Variants in CABLES1 observed in about 807,000 individuals in gnomAD.
The protein encoded by CABLES1 is CDK5 and ABL1 enzyme substrate 1.
In CABLES1, 36 loss-of-function variants were observed where a neutral mutation model predicts 57.8. The observed-to-expected ratio is 0.62, with a 90% CI of 0.48 to 0.82. CABLES1 has a LOEUF of 0.82. Among genes scored for constraint, CABLES1 ranks in the 40% least tolerant of loss-of-function variants. The probability of loss-of-function intolerance (pLI) is 0.00; values close to 1 mark genes in which losing one functional copy is unlikely to be tolerated. For synonymous variants in CABLES1, 374 were observed against 363.0 expected (o/e 1.03, Z -0.35); for missense variants, 767 against 836.6 (o/e 0.92, Z 1.03).
At chr18:23,175,476 T>C (rs1174326015) in intron 1 of CABLES1, among the ~76,000 whole-genome samples, 1 of 152,150 alleles carries the variant, frequency 6.6e-6, no homozygotes, top group African/African-American at 2.4e-5. Flanking sequence ...TGGAGCTTTT[T>C]CTTTTCTTTC....
At chr18:23,244,193 C>T (rs1398861740) in intron 7 of CABLES1, among the ~76,000 whole-genome samples, 1 of 152,066 alleles carries the variant, frequency 6.6e-6, no homozygotes, top group Non-Finnish European at 1.5e-5. Context: ...CTGGTGTCAT[C>T]TCAAGTGGAT....
intron 3 of CABLES1, among the ~76,000 whole-genome samples, chr18:23,200,971 A>G (rs1045612652): frequency 6.6e-6 from 1 of 152,194 alleles, no homozygotes; most frequent in African/African-American, 2.4e-5. Context: ...CCTGCAGCAT[A>G]GATGAGTGAT....
rs748230822 is a variant in CABLES1 at position 23,253,067 on chromosome 18, G to A, written c.1553+1G>A. ...AGCTGACACTCAGCAAAATTAGGAGGTACGGGAGGCTGGACTTGCCTGTGA... is the reference window on the plus strand; with the variant it reads ...AGCTGACACTCAGCAAAATTAGGAGATACGGGAGGCTGGACTTGCCTGTGA... On this transcript the variant is annotated splice_donor_variant, in intron 8 of 9. Transcript: ENST00000256925. LOFTEE classifies it high-confidence loss of function. 1.3e-6 allele frequency: 2 copies of A among 1,590,118 alleles called. No homozygotes were observed. Among genetic ancestry groups the A allele is most frequent in the South Asian group, 2.2e-5 (2 of 90,588 alleles).
At chr18:23,163,297 A>T (rs1461648575) in intron 1 of CABLES1, among the ~76,000 whole-genome samples, 1 of 152,098 alleles carries the variant, frequency 6.6e-6, no homozygotes, top group African/African-American at 2.4e-5. Context: ...GCTATGTGGG[A>T]TCCTGGAGCT....
chr18:23,160,402 T>C (rs2046995375), intron 1 of CABLES1, among the ~76,000 whole-genome samples: 1 of 152,186 alleles, frequency 6.6e-6, no homozygotes, highest in Non-Finnish European at 1.5e-5. Flanking sequence ...GGAAAACACA[T>C]AGGCAGTTTG....
chr18:23,254,829 C>T (rs1462452214), intron 9 of CABLES1, among the ~76,000 whole-genome samples: 3 of 152,198 alleles, frequency 2.0e-5, no homozygotes, highest in African/African-American at 7.2e-5. Context: ...GCCCCATCTC[C>T]TAATACCATC....
intron 7 of CABLES1, among the ~76,000 whole-genome samples, chr18:23,251,208 T>C (rs558466161): frequency 5.9e-5 from 9 of 152,172 alleles, no homozygotes; most frequent in Non-Finnish European, 1.0e-4. Flanking sequence ...ATGCCAGCAC[T>C]TTGGGAGGCA....
intron 1 of CABLES1, among the ~76,000 whole-genome samples, chr18:23,172,469 AAGAAGGACACCATTAAACACCCTT>A (rs1324228639): frequency 1.3e-5 from 2 of 152,204 alleles, no homozygotes; most frequent in Admixed American, 1.3e-4. Flanking sequence ...TCTTGCTCTA[AAGAAGGACACCATTAAACACCCTT>A]AGGAAAATCA....
At chr18:23,237,389 A>G (rs901404550) in intron 7 of CABLES1, 144 bp downstream of exon 7, 5 of 666,884 alleles carry the variant, frequency 7.5e-6, no homozygotes, top group Non-Finnish European at 1.1e-5. Context: ...CCACGGAAGG[A>G]CCAGTATTGC....
chr18:23,150,207 G>GTTTTTTTTTTTTTTTTTTTTT (rs10638130), intron 1 of CABLES1, among the ~76,000 whole-genome samples: 1 of 106,674 alleles, frequency 9.4e-6, no homozygotes, highest in African/African-American at 4.1e-5. Context: ...GTTGGTGTTT[G>GTTTTTTTTTTTTTTTTTTTTT]TTTTTTTTTT....
At chr18:23,156,074 G>A (rs1228952348) in intron 1 of CABLES1, 14 of 1,186,562 alleles carry the variant, frequency 1.2e-5, no homozygotes, top group Non-Finnish European at 1.5e-5. Flanking sequence ...TGGAAAAGCG[G>A]GATGTCAGTC....
chr18:23,248,104 C>A (rs1454492386), intron 7 of CABLES1, among the ~76,000 whole-genome samples: 2 of 152,256 alleles, frequency 1.3e-5, no homozygotes, highest in African/African-American at 4.8e-5. Flanking sequence ...CGCGCTCTGC[C>A]ACCCTTGCCC....
upstream of CABLES1, among the ~76,000 whole-genome samples, chr18:23,134,976 GTTA>G (rs1168662245): frequency 6.6e-6 from 1 of 152,130 alleles, no homozygotes; most frequent in East Asian, 1.9e-4. Flanking sequence ...ACTTACCCGT[GTTA>G]TTATGAAAAG....
At chr18:23,181,689 C>T (rs1189459039) in intron 1 of CABLES1, among the ~76,000 whole-genome samples, 1 of 152,074 alleles carries the variant, frequency 6.6e-6, no homozygotes, top group African/African-American at 2.4e-5. Flanking sequence ...CAAGCATGGT[C>T]CCTTCCTAGG....
intron 1 of CABLES1, among the ~76,000 whole-genome samples, chr18:23,140,819 C>T (rs1362119286): frequency 2.0e-5 from 3 of 152,228 alleles, no homozygotes; most frequent in South Asian, 2.1e-4. Flanking sequence ...GTTTGTGGTA[C>T]GGAAGAGCCT....
chr18:23,208,740 C>A (rs750638481), intron 3 of CABLES1, among the ~76,000 whole-genome samples: 1 of 152,188 alleles, frequency 6.6e-6, no homozygotes, highest in Non-Finnish European at 1.5e-5. Flanking sequence ...AAGACAACAA[C>A]AAGGAGTTCT....
intron 7 of CABLES1, among the ~76,000 whole-genome samples, chr18:23,246,004 A>G (rs984345406): frequency 1.3e-5 from 2 of 152,204 alleles, no homozygotes; most frequent in Non-Finnish European, 2.9e-5. Flanking sequence ...ACGGTGGCTC[A>G]CGCCTGTAAT....
rs1211569058 is a variant in CABLES1 at position 23,201,883 on chromosome 18, GTGTGAGGGA to G, written c.1010+7344_1010+7352del. 4.6e-5 allele frequency among the ~76,000 whole-genome samples: 7 copies of G among 152,118 alleles called. No homozygotes were observed. The South Asian group carries it at 6.2e-4, about 13-fold the overall frequency. On this transcript the variant is annotated intron_variant, in intron 3 of 9. Transcript: ENST00000256925. ...GCAATGGGGAGACCTGACAGTGGAG[GTGTGAGGGA>G]GGTGAGGGAGGTGAGGGAGCCAGCC...
At chr18:23,251,860 C>T (rs955715891) in intron 7 of CABLES1, among the ~76,000 whole-genome samples, 1 of 152,086 alleles carries the variant, frequency 6.6e-6, no homozygotes, top group Non-Finnish European at 1.5e-5. Context: ...CCGAGGCAGG[C>T]AGATCACCTG....
Sources: gnomAD v4.1 joint callset for allele counts (sites outside exome capture counted in the v4.1 genomes callset) on GRCh38, gnomAD v4.1.1 for gene constraint, MANE v1.5 for transcripts, NCBI Gene and HGNC (gene_info 2026-07-23, HGNC 2026-07-21) for gene names.